The following GATAD2A variants were observed in gnomAD, a reference collection of about 807,000 sequenced individuals.
GATAD2A encodes the protein transcriptional repressor p66-alpha.
In GATAD2A, 12 loss-of-function variants were observed where a neutral mutation model predicts 68.5. That is an observed-to-expected ratio of 0.18 (90% confidence interval 0.11 to 0.28). The LOEUF (loss-of-function observed/expected upper bound fraction) is 0.28. Ranked by LOEUF, GATAD2A falls within the 10% of genes least tolerant of loss-of-function variation. The pLI is 1.00. For missense variants in GATAD2A, 755 were observed against 868.5 expected, an observed-to-expected ratio of 0.87 and a Z score of 1.64; for synonymous variants, 410 against 375.3, an observed-to-expected ratio of 1.09 and a Z score of -1.07.
chr19:19,505,136 A>G (rs1175848619), intron 11 of GATAD2A, among the ~76,000 whole-genome samples: 1 of 152,170 alleles, frequency 6.6e-6, no homozygotes, highest in African/African-American at 2.4e-5. Context: ...GGCAATGTCA[A>G]GGCCATTGAG....
intron 1 of GATAD2A, among the ~76,000 whole-genome samples, chr19:19,439,436 A>G (rs998838603): frequency 1.3e-5 from 2 of 152,170 alleles, no homozygotes; most frequent in African/African-American, 4.8e-5. Context: ...CCACCAAGAC[A>G]TTTCTGGGTT....
At chr19:19,442,788 A>C (rs1011838391) in intron 1 of GATAD2A, among the ~76,000 whole-genome samples, 49 of 150,250 alleles carry the variant, frequency 3.3e-4, no homozygotes, top group Middle Eastern at 3.5e-3. Flanking sequence ...AAAAAAAAAA[A>C]CCCACAGTTT....
intron 1 of GATAD2A, among the ~76,000 whole-genome samples, chr19:19,396,742 T>C (rs913331649): frequency 9.9e-5 from 15 of 152,168 alleles, no homozygotes. Flanking sequence ...ACAGTCTCGC[T>C]ATGTTGCCCA....
chr19:19,453,064 A>C lies in GATAD2A; in HGVS notation c.-6-12276A>C, dbSNP rs919346402. Among the ~76,000 whole-genome samples, 4 of 152,114 alleles carry C rather than the reference A, an allele frequency of 2.6e-5. No individual in the cohort carries two copies. The East Asian group carries it at 7.7e-4, about 29-fold the overall frequency. On this transcript the variant is annotated intron_variant, in intron 1 of 11. Transcript: ENST00000683918. ...GCATCCCTGTAGCCCCCATTCCTCC[A>C]GCAATCAGCCTCAGTGGTGTGTTTG...
At chr19:19,482,147 G>C (rs1413780247) in intron 2 of GATAD2A, among the ~76,000 whole-genome samples, 1 of 151,458 alleles carries the variant, frequency 6.6e-6, no homozygotes, top group African/African-American at 2.4e-5. Context: ...GCTCATGCCT[G>C]TATCTCAGCA....
At chr19:19,499,280 G>A (rs973206445) in intron 8 of GATAD2A, among the ~76,000 whole-genome samples, 3 of 152,328 alleles carry the variant, frequency 2.0e-5, no homozygotes, top group East Asian at 1.9e-4. Flanking sequence ...CTGAGTGGCC[G>A]AGTTGGCCCC....
intron 1 of GATAD2A, among the ~76,000 whole-genome samples, chr19:19,453,237 C>A (rs2056574826): frequency 6.6e-6 from 1 of 152,136 alleles, no homozygotes; most frequent in Admixed American, 6.5e-5. Context: ...GGCACCTGTG[C>A]TTAGGGAGTG....
intron 1 of GATAD2A, among the ~76,000 whole-genome samples, chr19:19,460,974 C>G (rs2057381703): frequency 6.6e-6 from 1 of 152,208 alleles, no homozygotes; most frequent in African/African-American, 2.4e-5. Context: ...GCCCCGTGCT[C>G]TGCCTCGTGT....
chr19:19,488,343 C>T (rs1233142907), intron 2 of GATAD2A, among the ~76,000 whole-genome samples: 2 of 152,190 alleles, frequency 1.3e-5, no homozygotes, highest in Non-Finnish European at 2.9e-5. Context: ...TGCTATAGCA[C>T]CTGCTTTTTA....
rs1002070760 is a variant in GATAD2A at position 19,410,392 on chromosome 19, C to T, written c.-7+4373C>T. On this transcript the variant is annotated intron_variant, in intron 1 of 11. Transcript: ENST00000683918. ...TCAAGGCTTCAGGGCTTTCCTGCTG[C>T]TTGGCCTCAAAGATAGTAGCTATGC... 6.6e-5 allele frequency among the ~76,000 whole-genome samples: 10 copies of T among 152,238 alleles called. No individual in the cohort carries two copies. In the East Asian group the frequency reaches 1.9e-3, roughly 29 times the overall value.
chr19:19,471,547 A>C (rs527303991), intron 2 of GATAD2A, among the ~76,000 whole-genome samples: 20 of 152,314 alleles, frequency 1.3e-4, no homozygotes, highest in African/African-American at 2.4e-4. Context: ...GATTAACAAC[A>C]CATGGGCACG....
At chr19:19,409,300 T>G (rs2050651237) in intron 1 of GATAD2A, among the ~76,000 whole-genome samples, 2 of 152,116 alleles carry the variant, frequency 1.3e-5, no homozygotes, top group Non-Finnish European at 2.9e-5. Context: ...AGTTAATTTA[T>G]GCTGGTTGTA....
At chr19:19,471,060 A>T (rs2058269078) in intron 2 of GATAD2A, among the ~76,000 whole-genome samples, 2 of 152,142 alleles carry the variant, frequency 1.3e-5, no homozygotes, top group African/African-American at 4.8e-5. Flanking sequence ...GTTTGAGACC[A>T]GCCTGGCCAA....
intron 2 of GATAD2A, among the ~76,000 whole-genome samples, chr19:19,478,942 TAAGAAGGC>T (rs1600237746): frequency 6.6e-6 from 1 of 152,250 alleles, no homozygotes; most frequent in African/African-American, 2.4e-5. Context: ...CTCAGCTTAC[TAAGAAGGC>T]AGCTGCTAGG....
At chr19:19,386,007 TGCCGCCGCCGCCACAGCGGCC>T (rs1419849440) in exon 1 of GATAD2A, 7 of 151,034 alleles carry the variant, frequency 4.6e-5, no homozygotes, top group Admixed American at 2.0e-4. Context: ...CTGTCGCCGC[TGCCGCCGCCGCCACAGCGGCC>T]GCCGCGGGCG....
At chr19:19,473,095 A>G (rs1362561343) in intron 2 of GATAD2A, among the ~76,000 whole-genome samples, 2 of 152,142 alleles carry the variant, frequency 1.3e-5, no homozygotes, top group Admixed American at 1.3e-4. Context: ...AGACTTCAAC[A>G]CAGCCTAGGT....
At chr19:19,457,945 C>T (rs2147918221) in intron 1 of GATAD2A, among the ~76,000 whole-genome samples, 1 of 152,242 alleles carries the variant, frequency 6.6e-6, no homozygotes, top group African/African-American at 2.4e-5. Context: ...GTAGTTGGCT[C>T]CAGCCAGCTT....
intron 1 of GATAD2A, among the ~76,000 whole-genome samples, chr19:19,422,834 C>T (rs546119635): frequency 7.9e-5 from 12 of 151,982 alleles, no homozygotes; most frequent in African/African-American, 2.9e-4. Flanking sequence ...GCCTCAGCCT[C>T]CCAAGTAGCT....
At chr19:19,492,976 CTG>C (rs1392707408) in intron 4 of GATAD2A, among the ~76,000 whole-genome samples, 1 of 145,988 alleles carries the variant, frequency 6.8e-6, no homozygotes, top group Non-Finnish European at 1.5e-5. Flanking sequence ...GAATCTCACT[CTG>C]TCGCCAGGCT....
Sources: allele counts gnomAD v4.1 joint callset (sites outside exome capture counted in the v4.1 genomes callset), GRCh38; gene constraint gnomAD v4.1.1; transcripts MANE v1.5; gene names NCBI Gene and HGNC (gene_info 2026-07-23, HGNC 2026-07-21).